The following RNLS variants were observed in gnomAD, a reference collection of about 807,000 sequenced individuals.
RNLS encodes the protein renalase.
RNLS carries 39 observed loss-of-function variants against 39.8 expected under a neutral mutation model. That is an observed-to-expected ratio of 0.98 (90% CI 0.76 to 1.28). The LOEUF (loss-of-function observed/expected upper bound fraction) is 1.28. Among genes scored for constraint, RNLS ranks in the 50% most tolerant of loss-of-function variants. The pLI is 0.00. For missense variants in RNLS, 410 were observed against 413.3 expected (o/e 0.99, Z 0.07); for synonymous variants, 147 against 150.7 (o/e 0.98, Z 0.18).
chr10:88,579,475 G>C (rs1210047321), intron 3 of RNLS, among the ~76,000 whole-genome samples: 4 of 152,118 alleles, frequency 2.6e-5, no homozygotes, highest in African/African-American at 9.7e-5. Context: ...GCTAGCCTCA[G>C]GGATGAATGC....
At chr10:88,204,230 T>A in the RNLS span, among the ~76,000 whole-genome samples, 4 of 152,102 alleles carry the variant, frequency 2.6e-5, no homozygotes, top group Admixed American at 6.5e-5. Flanking sequence ...GAGGGCAGGA[T>A]CCAGTTTATT....
At chr10:88,454,269 A>T (rs1288418154) in intron 4 of RNLS, among the ~76,000 whole-genome samples, 1 of 152,210 alleles carries the variant, frequency 6.6e-6, no homozygotes, top group Non-Finnish European at 1.5e-5. Context: ...TGACTATCAG[A>T]TTTGATAATT....
At chr10:88,567,086 C>G (rs1320146220) in intron 4 of RNLS, among the ~76,000 whole-genome samples, 4 of 151,846 alleles carry the variant, frequency 2.6e-5, no homozygotes, top group Non-Finnish European at 5.9e-5. Context: ...TAAAATGAAA[C>G]TAAAGAGAGA....
chr10:88,479,923 T>G (rs568467640), intron 4 of RNLS, among the ~76,000 whole-genome samples: 135 of 152,210 alleles, frequency 8.9e-4, no homozygotes, highest in Middle Eastern at 6.8e-3. Context: ...TATGTCACAC[T>G]CTTTTTAAAT....
intron 3 of RNLS, among the ~76,000 whole-genome samples, chr10:88,576,140 G>T (rs2134468253): frequency 6.6e-6 from 1 of 152,212 alleles, no homozygotes; most frequent in South Asian, 2.1e-4. Context: ...TCCTTTTATT[G>T]TAAGTTCTCT....
chr10:88,405,074 C>G (rs568411606), intron 4 of RNLS, among the ~76,000 whole-genome samples: 1 of 152,108 alleles, frequency 6.6e-6, no homozygotes, highest in East Asian at 1.9e-4. Context: ...GGAAATGTTC[C>G]TTCTCTGGGG....
chr10:88,261,750 A>G, the RNLS span, among the ~76,000 whole-genome samples: 24 of 152,336 alleles, frequency 1.6e-4, no homozygotes, highest in Middle Eastern at 0.01. Context: ...CACATATTAG[A>G]TAATTAAAAA....
At chr10:88,438,047 A>G (rs751006244) in intron 4 of RNLS, among the ~76,000 whole-genome samples, 24 of 151,086 alleles carry the variant, frequency 1.6e-4, no homozygotes, top group Non-Finnish European at 3.4e-4. Context: ...AATCACTTGA[A>G]CCCAGGAGGC....
At chr10:88,502,633 A>G (rs977590477) in intron 4 of RNLS, among the ~76,000 whole-genome samples, 7 of 152,160 alleles carry the variant, frequency 4.6e-5, no homozygotes, top group African/African-American at 1.7e-4. Flanking sequence ...GTATTTTGTT[A>G]TAGCAATACA....
chr10:88,468,599 T>C (rs965027862), intron 4 of RNLS, among the ~76,000 whole-genome samples: 11 of 152,192 alleles, frequency 7.2e-5, no homozygotes, highest in Admixed American at 1.3e-4. Flanking sequence ...TTGAAAGCTA[T>C]GCTTATAGAT....
intron 4 of RNLS, among the ~76,000 whole-genome samples, chr10:88,426,693 T>G (rs1854790873): frequency 6.6e-6 from 1 of 152,008 alleles, no homozygotes. Flanking sequence ...CAGGTACTAT[T>G]ATTATCCCCT....
the RNLS span, among the ~76,000 whole-genome samples, chr10:88,203,450 GTGTGTGTATATATATATATATATATA>G: frequency 0.82 from 15,022 of 18,274 alleles, 6,419 homozygotes; most frequent in Non-Finnish European, 0.86. Context: ...GTGTGTGTGT[GTGTGTGTATATATATATATATATATA>G]TATATATATA....
At chr10:88,581,820 G>T in intron 2 of RNLS, 111 bp from the exon 3 acceptor site, 2 of 647,686 alleles carry the variant, frequency 3.1e-6, no homozygotes, top group African/African-American at 1.9e-5. Context: ...ATCAAAATTA[G>T]ATATCTTCCT....
At chr10:88,241,408 A>G in the RNLS span, among the ~76,000 whole-genome samples, 6 of 152,172 alleles carry the variant, frequency 3.9e-5, no homozygotes, top group Admixed American at 6.5e-5. Flanking sequence ...AAATTGTACA[A>G]TGTATCTAAA....
rs77541844 is a variant in RNLS at position 88,383,432 on chromosome 10, C to A, written c.527-20707G>T. Among the ~76,000 whole-genome samples the A allele has an allele frequency of 2.6e-3, 392 of 152,252 alleles. 3 individuals carry two copies. Among genetic ancestry groups the A allele is most frequent in the African/African-American group, 9.0e-3 (373 of 41,572 alleles). On this transcript the variant is annotated intron_variant, in intron 4 of 6. Coordinates refer to ENST00000331772, the MANE Select transcript of RNLS (RefSeq NM_001031709.3). ...TGTGGTAAAGTCATTTCAGTGACAACTAATGTTGTTTGAATCACATGTAAT... is the reference window on the plus strand; with the variant it reads ...TGTGGTAAAGTCATTTCAGTGACAAATAATGTTGTTTGAATCACATGTAAT...
At chr10:88,538,178 G>A (rs1464523473) in intron 4 of RNLS, among the ~76,000 whole-genome samples, 1 of 152,122 alleles carries the variant, frequency 6.6e-6, no homozygotes, top group African/African-American at 2.4e-5. Flanking sequence ...CCGAATGAAA[G>A]CAATCTTTCT....
intron 4 of RNLS, among the ~76,000 whole-genome samples, chr10:88,524,452 C>T (rs1362476877): frequency 2.0e-5 from 3 of 152,108 alleles, no homozygotes; most frequent in Admixed American, 6.6e-5. Flanking sequence ...TCCTGACCTG[C>T]ACCATAGTCA....
intron 4 of RNLS, among the ~76,000 whole-genome samples, chr10:88,561,512 AAAC>A (rs1210504902): frequency 1.3e-5 from 2 of 152,168 alleles, no homozygotes; most frequent in Admixed American, 1.3e-4. Context: ...GAAAGACAAA[AAAC>A]AAAGCTAGAT....
At chr10:88,334,047 A>G (rs1847309887) in intron 5 of RNLS, among the ~76,000 whole-genome samples, 1 of 152,202 alleles carries the variant, frequency 6.6e-6, no homozygotes. Context: ...ATTGACTAAG[A>G]CAATTCACAT....
Sources: gnomAD v4.1 joint callset for allele counts (sites outside exome capture counted in the v4.1 genomes callset) on GRCh38, gnomAD v4.1.1 for gene constraint, MANE v1.5 for transcripts, NCBI Gene and HGNC (gene_info 2026-07-23, HGNC 2026-07-21) for gene names.